MRPS18A: variants seen among roughly 807,000 people sequenced by gnomAD.
The protein encoded by MRPS18A is large ribosomal subunit protein mL66.
Under a neutral mutation model 22.7 loss-of-function variants are expected in MRPS18A, and 20 were observed. The ratio of observed to expected loss-of-function variants is 0.88; its 90% CI spans 0.62 to 1.28. The LOEUF is 1.28. MRPS18A is among the 50% of genes most tolerant of loss of function. MRPS18A has a pLI of 0.00. For synonymous variants in MRPS18A, 106 were observed against 99.1 expected (o/e 1.07, Z -0.41); for missense variants, 294 against 262.6 (o/e 1.12, Z -0.83).
At chr6:43,681,217 G>A in intron 1 of MRPS18A, 97 bp from the exon 2 acceptor site, 5 of 1,277,174 alleles carry the variant, frequency 3.9e-6, no homozygotes, top group Non-Finnish European at 5.6e-6. Flanking sequence ...GAAAAAAGCA[G>A]CCTTCCATCT....
Position 43,681,084 on chromosome 6 carries a change from C to A in MRPS18A, c.144+5G>T. 2 of 1,613,262 alleles carry A rather than the reference C, an allele frequency of 1.2e-6. No homozygotes were observed. The highest frequency in any genetic ancestry group is 1.7e-6 in the Non-Finnish European group (2 of 1,179,346). On this transcript the variant is annotated splice_donor_5th_base_variant and intron_variant, in intron 2 of 5. Coordinates refer to ENST00000372133, the MANE Select transcript of MRPS18A (RefSeq NM_018135.4). ...GTTATACATGGCCAACTCAACGATA[C>A]TTACTATAGTTGTCTTCCCTTCTTG...
intron 1 of MRPS18A, among the ~76,000 whole-genome samples, chr6:43,681,400 G>T (rs557169812): frequency 6.6e-6 from 1 of 152,356 alleles, no homozygotes; most frequent in South Asian, 2.1e-4. Context: ...TCTATGCAAA[G>T]ATTTATCTTG....
chr6:43,682,343 C>G (rs532410167), intron 1 of MRPS18A, among the ~76,000 whole-genome samples: 1 of 152,226 alleles, frequency 6.6e-6, no homozygotes, highest in African/African-American at 2.4e-5. Context: ...GACCATCTAA[C>G]TAAAAAGGCA....
Position 43,673,993 on chromosome 6 carries a change from C to T in MRPS18A, c.446+1209G>A, listed in dbSNP as rs1330074365. Among the ~76,000 whole-genome samples, 2 of 152,210 alleles carry T rather than the reference C, an allele frequency of 1.3e-5. No individual in the cohort carries two copies. Among genetic ancestry groups the T allele is most frequent in the African/African-American group, 4.8e-5 (2 of 41,448 alleles). ...CTCTTAAAAAGCCAGAGGGGGTGGGCTCAACCCCCAAATGGTCCATAGCAT... is the reference window on the plus strand; with the variant it reads ...CTCTTAAAAAGCCAGAGGGGGTGGGTTCAACCCCCAAATGGTCCATAGCAT... On this transcript the variant is annotated intron_variant, in intron 5 of 5. Transcript: ENST00000372133. The surrounding 1 kb of genome is among the most constrained non-coding windows in gnomAD (Gnocchi z 4.2).
At chr6:43,686,280 T>C (rs766809860) in intron 1 of MRPS18A, among the ~76,000 whole-genome samples, 1 of 152,244 alleles carries the variant, frequency 6.6e-6, no homozygotes, top group Non-Finnish European at 1.5e-5. Context: ...TGACACTTGG[T>C]AGACTCCCCA....
In MRPS18A at chr6:43,671,781, G is replaced by A. The variant is rs145782628; in HGVS notation, c.572C>T (p.Pro191Leu). The change falls in exon 6 of 6, where the codon CCT becomes CTT. Residue 191 changes from proline (P) to leucine (L), a missense_variant. Pro to Leu is a moderately conservative substitution (Grantham distance 98). Transcript: ENST00000372133. Reference sequence around the variant, plus strand: ...TCTCTGTCAGTGATACAGCTTCCAAGGTGTTCTTGAGTAGCAGACATTGTC... The same window carrying A: ...TCTCTGTCAGTGATACAGCTTCCAAAGTGTTCTTGAGTAGCAGACATTGTC... Reference protein sequence around the residue: ...LRDNVCYSRTPWKLYH With the variant: ...LRDNVCYSRTLWKLYH 3 of 1,614,240 alleles carry A rather than the reference G, an allele frequency of 1.9e-6. No homozygotes were observed. In the South Asian group the frequency reaches 3.3e-5, roughly 18 times the overall value.
At chr6:43,681,010 C>T (rs1237511518) in intron 2 of MRPS18A, 79 bp downstream of exon 2, 5 of 1,439,150 alleles carry the variant, frequency 3.5e-6, no homozygotes, top group African/African-American at 1.4e-5. Flanking sequence ...CCAGTTTGGG[C>T]CCCTCCCTCC....
chr6:43,673,073 C>T lies in MRPS18A; in HGVS notation c.447-1167G>A, dbSNP rs1294823199. 2.7e-5 allele frequency among the ~76,000 whole-genome samples: 4 copies of T among 150,586 alleles called. No homozygotes were observed. Among genetic ancestry groups the T allele is most frequent in the South Asian group, 2.1e-4 (1 of 4,744 alleles). ...CGCGATCTCGGCTCACTGCAACTTC[C>T]GCCTCCTGGGTTTAAGCAATTCTCC... On this transcript the variant is annotated intron_variant, in intron 5 of 5. Coordinates refer to ENST00000372133, the MANE Select transcript of MRPS18A (RefSeq NM_018135.4). The surrounding 1 kb of genome is among the most constrained non-coding windows in gnomAD (Gnocchi z 4.2).
rs1773844797 is a variant in MRPS18A, at chr6:43,673,165, T to C, written c.447-1259A>G. Among the ~76,000 whole-genome samples, 1 of 152,082 alleles carries C rather than the reference T, an allele frequency of 6.6e-6. No homozygotes were observed. The highest frequency in any genetic ancestry group is 1.5e-5 in the Non-Finnish European group (1 of 68,012). On this transcript the variant is annotated intron_variant, in intron 5 of 5. Transcript: ENST00000372133. This position sits in a 1 kb window ranked among gnomAD's most constrained non-coding sequence, Gnocchi z 4.2. ...ACAATGCATGGCTAATTTTTGTATT[T>C]TTAGTAGAGACGTGGTTTCCTCATG...
intron 3 of MRPS18A, 117 bp downstream of exon 3, chr6:43,678,401 T>C: frequency 1.3e-6 from 1 of 760,882 alleles, no homozygotes; most frequent in South Asian, 1.6e-5. Context: ...TGCTCCCATC[T>C]CTGGTGGTTC....
At chr6:43,680,097 ACAAACAG>A (rs1774304969) in intron 2 of MRPS18A, among the ~76,000 whole-genome samples, 1 of 152,136 alleles carries the variant, frequency 6.6e-6, no homozygotes, top group Non-Finnish European at 1.5e-5. Context: ...CATCTATTCT[ACAAACAG>A]CAGACTCATG....
chr6:43,675,690 G>A, intron 3 of MRPS18A, 73 bp from the exon 4 acceptor site: 1 of 1,510,296 alleles, frequency 6.6e-7, no homozygotes, highest in Non-Finnish European at 8.9e-7. Context: ...AGGGCTTCAT[G>A]GTCTACAGGG....
rs1166378258 is a variant in MRPS18A at position 43,675,434 on chromosome 6, G to C, written c.376+60C>G. ...CCAGGAGGGGCTGAAACATGGGGCA[G>C]CTGGGTGGGGAGAGAGTGCCTGCAG... On this transcript the variant is annotated intron_variant, in intron 4 of 5. Coordinates refer to ENST00000372133, the MANE Select transcript of MRPS18A (RefSeq NM_018135.4). 3 of 1,613,476 alleles carry C rather than the reference G, an allele frequency of 1.9e-6. No individual in the cohort carries two copies. In the African/African-American group the frequency reaches 4.0e-5, roughly 22 times the overall value.
chr6:43,672,986 CTTTT>C (rs530348186), intron 5 of MRPS18A, among the ~76,000 whole-genome samples: 1 of 127,160 alleles, frequency 7.9e-6, no homozygotes, highest in Admixed American at 8.2e-5. Context: ...ATAGGGACTG[CTTTT>C]TTTTTTTTTT....
intron 1 of MRPS18A, among the ~76,000 whole-genome samples, chr6:43,685,029 G>T (rs548106757): frequency 6.6e-6 from 1 of 152,250 alleles, no homozygotes; most frequent in East Asian, 1.9e-4. Context: ...GGAACAATAA[G>T]GGAGGCCCTG....
At chr6:43,678,688 TG>T (rs1774209596) in intron 2 of MRPS18A, 63 bp from the exon 3 acceptor site, 5 of 1,179,664 alleles carry the variant, frequency 4.2e-6, no homozygotes, top group East Asian at 4.8e-5. Flanking sequence ...ACATTATCTT[TG>T]CACAAACCCC....
At chr6:43,675,303 C>T in intron 4 of MRPS18A, 32 bp from the exon 5 acceptor site, 1 of 1,547,248 alleles carries the variant, frequency 6.5e-7, no homozygotes, top group Non-Finnish European at 8.7e-7. Context: ...ATAGTCTTTG[C>T]AGCTCCCTCT....
intron 3 of MRPS18A, among the ~76,000 whole-genome samples, chr6:43,676,854 T>C (rs1373394873): frequency 6.6e-6 from 1 of 152,192 alleles, no homozygotes; most frequent in African/African-American, 2.4e-5. Context: ...AGGCCTTCAA[T>C]TCCCACCCCT....
In MRPS18A at chr6:43,687,743, G is replaced by T; in HGVS notation, c.37C>A (p.Arg13=). ...CCCGCTAGTAGCCCACGGAGAAGCC[G>T]CCCACAGCCGGACACCAGAGCCTTG... is the stretch of plus-strand genomic sequence containing the variant. The part of the protein sequence containing the change: ...ALKALVSGCG[R]LLRGLLAGPA... The change falls in exon 1 of 6, where the codon CGG becomes AGG. Residue 13 remains arginine, a synonymous_variant. Transcript: ENST00000372133. 3.8e-6 allele frequency: 6 copies of T among 1,585,736 alleles called. No homozygotes were observed. The highest frequency in any genetic ancestry group is 5.1e-6 in the Non-Finnish European group (6 of 1,166,050).
Sources: gnomAD v4.1 joint callset for allele counts (sites outside exome capture counted in the v4.1 genomes callset) on GRCh38, gnomAD v4.1.1 for gene constraint, Gnocchi (gnomAD v3.1) non-coding constraint, MANE v1.5 for transcripts, NCBI Gene and HGNC (gene_info 2026-07-23, HGNC 2026-07-21) for gene names.